Variants in CD55 observed in about 807,000 individuals in gnomAD.
CD55 encodes CD55 molecule (Cromer blood group), also known as complement decay-accelerating factor.
In CD55, 41 loss-of-function variants were observed where a neutral mutation model predicts 45.8. That is an observed-to-expected ratio of 0.90 (90% confidence interval 0.70 to 1.16). The LOEUF (loss-of-function observed/expected upper bound fraction) is 1.16. Among genes scored for constraint, CD55 ranks in the 50% most tolerant of loss-of-function variants. The pLI is 0.00. For synonymous variants in CD55, 181 were observed against 181.1 expected, an observed-to-expected ratio of 1.00 and a Z score of 0.01; for missense variants, 416 against 469.8, an observed-to-expected ratio of 0.89 and a Z score of 1.06.
intron 9 of CD55, among the ~76,000 whole-genome samples, chr1:207,346,695 C>G (rs1313113207): frequency 3.3e-5 from 5 of 152,180 alleles, no homozygotes; most frequent in Non-Finnish European, 7.4e-5. Context: ...CCAGTGGCTC[C>G]TGCTTTGGCT....
At chr1:207,340,401 T>C (rs1200187498) in intron 9 of CD55, 1 of 463,448 alleles carries the variant, frequency 2.2e-6, no homozygotes, top group Non-Finnish European at 3.8e-6. Context: ...GTTCTCGTCC[T>C]GTCACCCAGG....
intron 9 of CD55, among the ~76,000 whole-genome samples, chr1:207,348,699 T>C (rs1655745977): frequency 6.6e-6 from 1 of 152,248 alleles, no homozygotes; most frequent in African/African-American, 2.4e-5. Flanking sequence ...TTTTATACTT[T>C]TAGGTTTTAA....
chr1:207,348,452 G>C (rs557704198), intron 9 of CD55, among the ~76,000 whole-genome samples: 46 of 152,170 alleles, frequency 3.0e-4, no homozygotes, highest in Non-Finnish European at 4.6e-4. Flanking sequence ...AAGTTCCTTA[G>C]AGATTTTGAA....
chr1:207,323,721 T>G (rs1278432444), intron 2 of CD55, among the ~76,000 whole-genome samples: 1 of 152,248 alleles, frequency 6.6e-6, no homozygotes, highest in East Asian at 1.9e-4. Context: ...ACTTTTTATT[T>G]TTATCCACAA....
intron 8 of CD55, among the ~76,000 whole-genome samples, chr1:207,338,961 GAT>G (rs1203589397): frequency 6.6e-6 from 1 of 152,106 alleles, no homozygotes; most frequent in Admixed American, 6.5e-5. Context: ...GTCATTGAAA[GAT>G]ATAAATAATA....
chr1:207,354,104 G>A (rs1201682093), intron 9 of CD55: 5 of 1,525,592 alleles, frequency 3.3e-6, no homozygotes, highest in Non-Finnish European at 4.4e-6. Flanking sequence ...TTGGAGGTAG[G>A]TAGATAGAAT....
chr1:207,347,779 G>T (rs993084911), intron 9 of CD55, among the ~76,000 whole-genome samples: 1 of 152,036 alleles, frequency 6.6e-6, no homozygotes, highest in African/African-American at 2.4e-5. Flanking sequence ...TCCCTTCTTT[G>T]CATCCATGTG....
chr1:207,324,362 A>G (rs1270908319), intron 2 of CD55, among the ~76,000 whole-genome samples, 197 bp from the exon 3 acceptor site: 2 of 151,890 alleles, frequency 1.3e-5, no homozygotes, highest in East Asian at 1.9e-4. Context: ...CTAAGCCTCT[A>G]GTAACTAGGA....
intron 9 of CD55, among the ~76,000 whole-genome samples, chr1:207,356,517 A>G (rs1656079461): frequency 6.6e-6 from 1 of 152,220 alleles, no homozygotes; most frequent in Non-Finnish European, 1.5e-5. Context: ...AAAGAAATCT[A>G]GGAAAAATCA....
chr1:207,337,614 G>A, intron 8 of CD55: 1 of 389,148 alleles, frequency 2.6e-6, no homozygotes. Flanking sequence ...CAATAATAGA[G>A]AAAAAGACTG....
intron 6 of CD55, among the ~76,000 whole-genome samples, chr1:207,332,119 G>A (rs1446268532): frequency 6.6e-6 from 1 of 151,972 alleles, no homozygotes; most frequent in Non-Finnish European, 1.5e-5. Context: ...GGAAGTGAAA[G>A]TCTCTTCTCT....
rs144979738 is a variant in CD55 at position 207,339,147 on chromosome 1, A to G, written c.1061-250A>G. ...TAAATGGCATTTGTTTTGGTAATCA[A>G]TAACTCTTTATCATAATTTATATTT... is the stretch of plus-strand genomic sequence containing the variant. On this transcript the variant is annotated intron_variant, in intron 8 of 9. Coordinates refer to ENST00000367064, the MANE Select transcript of CD55 (RefSeq NM_000574.5). Among the ~76,000 whole-genome samples, 631 of 152,312 alleles carry G rather than the reference A, an allele frequency of 4.1e-3. 5 individuals are homozygous for G. Among genetic ancestry groups the G allele is most frequent in the African/African-American group, 0.014 (597 of 41,580 alleles).
At chr1:207,347,550 G>C (rs1030392350) in intron 9 of CD55, 2 of 231,778 alleles carry the variant, frequency 8.6e-6, no homozygotes, top group African/African-American at 4.6e-5. Flanking sequence ...GTGAGCCACC[G>C]CACCTGGCCA....
chr1:207,327,354 G>A (rs1395571108), intron 5 of CD55, among the ~76,000 whole-genome samples: 1 of 152,022 alleles, frequency 6.6e-6, no homozygotes, highest in Non-Finnish European at 1.5e-5. Flanking sequence ...TTATCTAGAG[G>A]GGTTTTAAGG....
chr1:207,325,160 C>A (rs772869413), intron 3 of CD55, among the ~76,000 whole-genome samples: 2 of 151,822 alleles, frequency 1.3e-5, no homozygotes, highest in African/African-American at 4.8e-5. Context: ...CATGATGAAA[C>A]CCTGACTCTA....
chr1:207,353,040 G>GTTT (rs386369456), intron 9 of CD55, among the ~76,000 whole-genome samples: 12,976 of 47,698 alleles, frequency 0.27, 1,717 homozygotes, highest in Middle Eastern at 0.43. Context: ...CTATTACCAG[G>GTTT]TTTTTTTTTT....
chr1:207,358,914 G>A (rs1044910988), intron 9 of CD55, among the ~76,000 whole-genome samples: 2 of 152,126 alleles, frequency 1.3e-5, no homozygotes, highest in Non-Finnish European at 2.9e-5. Flanking sequence ...GGAAAGGGAT[G>A]ATACATTAGG....
At chr1:207,340,182 T>A (rs1655360422) in intron 9 of CD55, among the ~76,000 whole-genome samples, 1 of 152,092 alleles carries the variant, frequency 6.6e-6, no homozygotes, top group Admixed American at 6.5e-5. Context: ...CATGAGAACT[T>A]TTTTAGGTCT....
At position 207,339,435 on chromosome 1, in the gene CD55, G is replaced by C. The variant is rs775796455; in HGVS notation, c.1081+18G>C. The C allele has an allele frequency of 6.3e-7, 1 of 1,592,826 alleles. No homozygotes were observed. The highest frequency in any genetic ancestry group is 8.6e-7 in the Non-Finnish European group (1 of 1,166,334). On this transcript the variant is annotated intron_variant, in intron 9 of 9. Coordinates refer to ENST00000367064, the MANE Select transcript of CD55 (RefSeq NM_000574.5). ...TCTATCTGGTAAGTTTGGCTCTCAGGCCATTAAAAGAAATTGTTTTCACTG... is the reference window on the plus strand; with the variant it reads ...TCTATCTGGTAAGTTTGGCTCTCAGCCCATTAAAAGAAATTGTTTTCACTG...
Sources: allele counts gnomAD v4.1 joint callset (sites outside exome capture counted in the v4.1 genomes callset), GRCh38; gene constraint gnomAD v4.1.1; transcripts MANE v1.5; gene names NCBI Gene and HGNC (gene_info 2026-07-23, HGNC 2026-07-21).